Variants in PTBP2 observed in about 807,000 individuals in gnomAD.
PTBP2 encodes polypyrimidine tract-binding protein 2.
A neutral mutation model predicts 61.4 loss-of-function variants in PTBP2; 13 were observed. That is an observed-to-expected ratio of 0.21 (90% CI 0.14 to 0.34). The LOEUF (loss-of-function observed/expected upper bound fraction) is 0.34, where lower values mean the gene tolerates loss of function less well. Ranked by LOEUF, PTBP2 falls within the 10% of genes least tolerant of loss-of-function variation. The probability of loss-of-function intolerance (pLI) is 1.00; values close to 1 mark genes in which losing one functional copy is unlikely to be tolerated. For synonymous variants in PTBP2, 215 were observed against 218.5 expected (o/e 0.98, Z 0.14); for missense variants, 405 against 642.6 (o/e 0.63, Z 4.00).
chr1:96,743,276 TAA>T (rs35637528), intron 2 of PTBP2, among the ~76,000 whole-genome samples: 4 of 144,034 alleles, frequency 2.8e-5, no homozygotes, highest in African/African-American at 2.6e-5. Context: ...GACTCCGTCT[TAA>T]AAAAAAAAAA....
At chr1:96,724,711 A>AG (rs1302566357) in intron 2 of PTBP2, among the ~76,000 whole-genome samples, 1 of 26,654 alleles carries the variant, frequency 3.8e-5, no homozygotes, top group Non-Finnish European at 7.0e-5. Flanking sequence ...TGGGAGATAT[A>AG]GGGGGGAGGG....
intron 2 of PTBP2, among the ~76,000 whole-genome samples, chr1:96,732,298 G>A (rs951033519): frequency 6.6e-6 from 1 of 152,064 alleles, no homozygotes; most frequent in East Asian, 1.9e-4. Flanking sequence ...GGGTTTTTAG[G>A]TTTTGACTTT....
Position 96,746,642 on chromosome 1 carries a change from T to C in PTBP2, c.40-4783T>C, listed in dbSNP as rs374555791. On this transcript the variant is annotated intron_variant, in intron 2 of 13. Transcript: ENST00000674951. Reference sequence around the variant, plus strand: ...CTTGTGGGGCCCAGGAGTTTGAGGCTGCAGTGAGCTATGATCGTTCCATTG... The same window carrying C: ...CTTGTGGGGCCCAGGAGTTTGAGGCCGCAGTGAGCTATGATCGTTCCATTG... Among the ~76,000 whole-genome samples, 10 of 148,514 alleles carry C rather than the reference T, an allele frequency of 6.7e-5. No individual in the cohort carries two copies. The South Asian group carries it at 1.9e-3, about 28-fold the overall frequency.
At chr1:96,761,761 T>C (rs1655906198) in intron 3 of PTBP2, among the ~76,000 whole-genome samples, 1 of 152,134 alleles carries the variant, frequency 6.6e-6, no homozygotes, top group Non-Finnish European at 1.5e-5. Context: ...TATTTTTTAT[T>C]GATCATTCTT....
chr1:96,783,957 A>G (rs1658955666), intron 7 of PTBP2, among the ~76,000 whole-genome samples: 2 of 152,182 alleles, frequency 1.3e-5, no homozygotes, highest in South Asian at 4.1e-4. Context: ...ATTATTTTCT[A>G]GGTTAGTTTT....
chr1:96,758,157 G>A (rs893041089), intron 3 of PTBP2, among the ~76,000 whole-genome samples: 1 of 151,936 alleles, frequency 6.6e-6, no homozygotes, highest in African/African-American at 2.4e-5. Flanking sequence ...TATTAGTAAT[G>A]TTGTTAAGGC....
chr1:96,822,800 CCT>C (rs889716773), exon 14 of PTBP2: 13 of 152,232 alleles, frequency 8.5e-5, no homozygotes, highest in Admixed American at 6.5e-4. Context: ...CATGGCCATG[CCT>C]CTCTGTGTGA....
intron 13 of PTBP2, 21 bp from the exon 14 acceptor site, chr1:96,813,255 T>A (rs959003647): frequency 1.3e-6 from 2 of 1,581,670 alleles, no homozygotes; most frequent in African/African-American, 2.7e-5. Flanking sequence ...AGTGTCTAAT[T>A]TTATAATTTT....
intron 7 of PTBP2, among the ~76,000 whole-genome samples, chr1:96,780,919 T>C (rs767996646): frequency 6.6e-6 from 1 of 152,094 alleles, no homozygotes; most frequent in African/African-American, 2.4e-5. Context: ...TTCCCTTTCC[T>C]TCCAACCTGT....
intron 8 of PTBP2, among the ~76,000 whole-genome samples, chr1:96,803,470 C>T (rs1661221905): frequency 6.6e-6 from 1 of 151,492 alleles, no homozygotes; most frequent in South Asian, 2.1e-4. Flanking sequence ...TGAAAAGAAA[C>T]TCATCAAGAG....
At chr1:96,759,655 TAAAG>T (rs908609124) in intron 3 of PTBP2, among the ~76,000 whole-genome samples, 24 of 152,264 alleles carry the variant, frequency 1.6e-4, no homozygotes, top group South Asian at 2.1e-4. Flanking sequence ...AGAAAAATCT[TAAAG>T]GAATATATAA....
intron 2 of PTBP2, among the ~76,000 whole-genome samples, chr1:96,749,077 G>A (rs1654202650): frequency 6.6e-6 from 1 of 151,956 alleles, no homozygotes; most frequent in Non-Finnish European, 1.5e-5. Flanking sequence ...ATCATTTGAG[G>A]AAGAAAAAAG....
exon 14 of PTBP2, chr1:96,822,076 C>A (rs534212180): frequency 6.6e-6 from 1 of 152,196 alleles, no homozygotes; most frequent in South Asian, 2.1e-4. Flanking sequence ...TTAGAAAAAC[C>A]ACAATTACTT....
intron 7 of PTBP2, among the ~76,000 whole-genome samples, chr1:96,779,847 T>C (rs1325330486): frequency 6.6e-6 from 1 of 151,220 alleles, no homozygotes; most frequent in African/African-American, 2.4e-5. Context: ...ATCTGGGCTC[T>C]ACTTAGAGAA....
chr1:96,796,290 CAAAAA>C (rs35764825), intron 8 of PTBP2, among the ~76,000 whole-genome samples: 197 of 123,112 alleles, frequency 1.6e-3, no homozygotes, highest in Non-Finnish European at 2.7e-3. Context: ...CCGTCTCCAC[CAAAAA>C]AAAAAAAAAA....
rs1338582502 is a variant in PTBP2, at chr1:96,725,874, G to C, written c.39+2280G>C. Among the ~76,000 whole-genome samples the C allele has an allele frequency of 2.0e-5, 3 of 151,510 alleles. No individual in the cohort carries two copies. In the East Asian group the frequency reaches 5.9e-4, roughly 30 times the overall value. ...GCGGGCGGATCACGAGTTCAGGAGA[G>C]ACCATCCTGGCTAACACGGTGAAAC... On this transcript the variant is annotated intron_variant, in intron 2 of 13. Coordinates refer to ENST00000674951, the MANE Select transcript of PTBP2 (RefSeq NM_021190.4).
At chr1:96,780,250 C>T (rs1359956869) in intron 7 of PTBP2, among the ~76,000 whole-genome samples, 3 of 151,840 alleles carry the variant, frequency 2.0e-5, no homozygotes, top group Non-Finnish European at 2.9e-5. Flanking sequence ...CTATATTGGC[C>T]ACTTTTCACC....
intron 3 of PTBP2, among the ~76,000 whole-genome samples, chr1:96,754,490 A>G (rs1654935173): frequency 6.6e-6 from 1 of 152,304 alleles, no homozygotes; most frequent in African/African-American, 2.4e-5. Flanking sequence ...ACATAAAAAG[A>G]TTCTGTTAAG....
At chr1:96,786,234 A>G (rs1659187541) in intron 8 of PTBP2, among the ~76,000 whole-genome samples, 1 of 152,168 alleles carries the variant, frequency 6.6e-6, no homozygotes, top group African/African-American at 2.4e-5. Context: ...TGTAAGTGGT[A>G]TATATGTAGA....
Sources: gnomAD v4.1 joint callset for allele counts (sites outside exome capture counted in the v4.1 genomes callset) on GRCh38, gnomAD v4.1.1 for gene constraint, MANE v1.5 for transcripts, NCBI Gene and HGNC (gene_info 2026-07-23, HGNC 2026-07-21) for gene names.